SH3BP2: variants seen among roughly 807,000 people sequenced by gnomAD.
SH3BP2 encodes the protein SH3 domain-binding protein 2.
In SH3BP2, 38 loss-of-function variants were observed where a neutral mutation model predicts 56.2. That is an observed-to-expected ratio of 0.68 (90% CI 0.52 to 0.89). The LOEUF (loss-of-function observed/expected upper bound fraction) is 0.89. Ranked by LOEUF, SH3BP2 falls within the 40% of genes least tolerant of loss-of-function variation. SH3BP2 has a pLI of 0.00. For synonymous variants in SH3BP2, 346 were observed against 316.7 expected (o/e 1.09, Z -0.98); for missense variants, 748 against 762.6 (o/e 0.98, Z 0.23).
intron 5 of SH3BP2, chr4:2,827,001 G>A (rs748167979): frequency 2.1e-5 from 14 of 677,550 alleles, no homozygotes; most frequent in Non-Finnish European, 3.8e-5. Flanking sequence ...GCATGTGTGT[G>A]TCTGTCAGCG....
intron 7 of SH3BP2, among the ~76,000 whole-genome samples, chr4:2,828,218 A>C: frequency 6.7e-6 from 1 of 149,868 alleles, no homozygotes; most frequent in Non-Finnish European, 1.5e-5. Context: ...CTCCCTCCCT[A>C]TTGTCTCTCC....
At position 2,837,701 on chromosome 4, in the gene SH3BP2, C is replaced by T. The variant is rs566499957; in HGVS notation, c.*3867C>T. On this transcript the variant is annotated 3_prime_UTR_variant, in exon 13 of 13. Transcript: ENST00000503393. ...GGGGGAAGGGCCACAACCTCTGTTT[C>T]TGTGACCCAGCAGCATCAAGCCCCT... is the stretch of plus-strand genomic sequence containing the variant. 6.5e-6 allele frequency: 1 copy of T among 152,776 alleles called. No individual in the cohort carries two copies. The highest frequency in any genetic ancestry group is 6.5e-5 in the Admixed American group (1 of 15,298). 9.5% of individuals were successfully genotyped at this position (152,776 alleles called of 1,614,324 possible). A position where few individuals can be genotyped will look rare whatever the true frequency, so the allele number is the denominator to read the frequency against.
rs760939509 is a variant in SH3BP2 at position 2,823,007 on chromosome 4, A to G, written c.209A>G (p.Gln70Arg). ...YFKSSTSASP[Q>R]GAFSLSGYNR... ...AAGAGTAGCACCTCTGCCTCCCCGC[A>G]GGGCGCCTTCTCCCTGAGTGGCTAT... Residue 70 changes from glutamine to arginine, a missense_variant, in exon 3 of 13, where the codon CAG becomes CGG. By Grantham distance (43) the Gln-to-Arg change is conservative (BLOSUM62 1). This residue lies in a region of SH3BP2 where 104 missense variants were observed against 123.1 expected (regional missense o/e 0.84). Transcript: ENST00000503393. 1 of 1,613,982 alleles carries G rather than the reference A, an allele frequency of 6.2e-7. No individual in the cohort carries two copies. Among genetic ancestry groups the G allele is most frequent in the South Asian group, 1.1e-5 (1 of 91,068 alleles).
intron 12 of SH3BP2, chr4:2,833,362 T>G: frequency 1.8e-6 from 1 of 568,422 alleles, no homozygotes; most frequent in Non-Finnish European, 3.1e-6. Flanking sequence ...TGGTTTCAAA[T>G]TCTGGGGCTC....
At position 2,829,459 on chromosome 4, in the gene SH3BP2, G is replaced by C. The variant is rs765428825; in HGVS notation, c.587-34G>C. ...AGAGGATAGTGTTGGCCCAGTCTCT[G>C]TCAGGGTCCAACCCGGGTCTCTTTG... On this transcript the variant is annotated intron_variant, in intron 7 of 12. Transcript: ENST00000503393. The surrounding 1 kb of genome is among the most constrained non-coding windows in gnomAD (Gnocchi z 4.9). 7 of 1,611,240 alleles carry C rather than the reference G, an allele frequency of 4.3e-6. No individual in the cohort carries two copies. The African/African-American group carries it at 8.0e-5, about 18-fold the overall frequency.
At position 2,829,277 on chromosome 4, in the gene SH3BP2, AGGGAGGATGAATG is replaced by A. The variant is rs1724843727; in HGVS notation, c.587-211_587-199del. ...TCAGGAAGCGTCCACAGGCTGCCAT[AGGGAGGATGAATG>A]GGGAAGGCTGGGGGTGGTGGGTGGT... is the stretch of plus-strand genomic sequence containing the variant. On this transcript the variant is annotated intron_variant, in intron 7 of 12. Coordinates refer to ENST00000503393, the MANE Select transcript of SH3BP2 (RefSeq NM_001122681.2). The surrounding 1 kb of genome is among the most constrained non-coding windows in gnomAD (Gnocchi z 4.9). 6.7e-6 allele frequency among the ~76,000 whole-genome samples: 1 copy of A among 149,294 alleles called. No homozygotes were observed.
chr4:2,831,847 G>C lies in SH3BP2; in HGVS notation c.1351-76G>C. The C allele has an allele frequency of 6.6e-7, 1 of 1,525,982 alleles. No homozygotes were observed. Among genetic ancestry groups the C allele is most frequent in the Non-Finnish European group, 9.0e-7 (1 of 1,107,730 alleles). 94.5% of individuals were successfully genotyped at this position (1,525,982 alleles called of 1,614,324 possible). On this transcript the variant is annotated intron_variant, in intron 9 of 12. Coordinates refer to ENST00000503393, the MANE Select transcript of SH3BP2 (RefSeq NM_001122681.2). The surrounding 1 kb of genome is among the most constrained non-coding windows in gnomAD (Gnocchi z 4.1). ...TGTAAAGCCCCGGATCCCGGCACCG[G>C]GTGGCCACCGTCCGGGGAGTGGTGG...
intron 1 of SH3BP2, among the ~76,000 whole-genome samples, chr4:2,808,471 C>T: frequency 6.6e-6 from 1 of 152,160 alleles, no homozygotes; most frequent in East Asian, 1.9e-4. Context: ...GGCCACCTTT[C>T]AGCCCACTAC....
At position 2,834,818 on chromosome 4, in the gene SH3BP2, G is replaced by T. The variant is rs561839035; in HGVS notation, c.*984G>T. The stretch of plus-strand genomic sequence containing the variant: ...CAGTCTGGGGACAGCTGGGTATGAG[G>T]TGCTTACGGCACAGTGTCCAGGGCA... On this transcript the variant is annotated 3_prime_UTR_variant, in exon 13 of 13. Coordinates refer to ENST00000503393, the MANE Select transcript of SH3BP2 (RefSeq NM_001122681.2). 1 of 152,570 alleles carries T rather than the reference G, an allele frequency of 6.6e-6. No individual in the cohort carries two copies. Among genetic ancestry groups the T allele is most frequent in the Non-Finnish European group, 1.5e-5 (1 of 68,178 alleles). 9.5% of individuals were successfully genotyped at this position (152,570 alleles called of 1,614,324 possible). A position where few individuals can be genotyped will look rare whatever the true frequency, so the allele number is the denominator to read the frequency against.
chr4:2,799,059 C>G, intron 1 of SH3BP2: 1 of 985,528 alleles, frequency 1.0e-6, no homozygotes, highest in Non-Finnish European at 1.2e-6. Context: ...CTGATTAGGA[C>G]TAATGGCGCT....
At chr4:2,806,048 GCCCCAC>G (rs897820749) in intron 1 of SH3BP2, among the ~76,000 whole-genome samples, 1 of 152,238 alleles carries the variant, frequency 6.6e-6, no homozygotes, top group African/African-American at 2.4e-5. Context: ...GCAGCCAGCT[GCCCCAC>G]CCCCACTGCT....
intron 1 of SH3BP2, among the ~76,000 whole-genome samples, chr4:2,805,285 G>T (rs1288860322): frequency 1.3e-5 from 2 of 152,226 alleles, no homozygotes; most frequent in East Asian, 3.9e-4. Flanking sequence ...GACTGCTGCT[G>T]CCCTTGCCTA....
chr4:2,811,540 C>A (rs905808455), intron 1 of SH3BP2, among the ~76,000 whole-genome samples: 48 of 152,204 alleles, frequency 3.2e-4, no homozygotes, highest in African/African-American at 1.2e-3. Context: ...TGGGCCTGGG[C>A]AGGGCACTGG....
In SH3BP2 at chr4:2,834,752, C is replaced by T. The variant is rs1275004870; in HGVS notation, c.*918C>T. The stretch of plus-strand genomic sequence containing the variant: ...TGGGTACCTCCTGCATGCCTGGTCC[C>T]ATTCCAGACAGGGGCCTCTGGCCTG... On this transcript the variant is annotated 3_prime_UTR_variant, in exon 13 of 13. Transcript: ENST00000503393. 6.6e-6 allele frequency: 1 copy of T among 152,376 alleles called. No individual in the cohort carries two copies. Among genetic ancestry groups the T allele is most frequent in the Non-Finnish European group, 1.5e-5 (1 of 68,130 alleles). The allele number at this position is 152,376 out of a possible 1,614,324, so 9.4% of individuals were successfully genotyped here.
At chr4:2,830,248 G>C (rs187794918) in intron 8 of SH3BP2, 101 bp downstream of exon 8, 1 of 1,165,746 alleles carries the variant, frequency 8.6e-7, no homozygotes, top group East Asian at 2.6e-5. Context: ...GGCACTCTTA[G>C]CCCACGACGG....
intron 5 of SH3BP2, chr4:2,826,657 C>T (rs1454992361): frequency 6.3e-6 from 2 of 318,988 alleles, no homozygotes; most frequent in East Asian, 8.6e-5. Flanking sequence ...TGCATGTCCA[C>T]GTGTTGCTCT....
chr4:2,794,052 G>A, intron 1 of SH3BP2: 1 of 152,308 alleles, frequency 6.6e-6, no homozygotes, highest in Non-Finnish European at 1.5e-5. Flanking sequence ...GTGCCTCCTG[G>A]TCTAGTGGCC....
intron 1 of SH3BP2, among the ~76,000 whole-genome samples, chr4:2,811,606 G>T (rs1361332331): frequency 6.6e-6 from 1 of 152,244 alleles, no homozygotes; most frequent in African/African-American, 2.4e-5. Flanking sequence ...GGGCCTTGGG[G>T]CAGGGGCCGG....
chr4:2,832,100 C>G, intron 10 of SH3BP2, 122 bp downstream of exon 10: 8 of 1,127,434 alleles, frequency 7.1e-6, no homozygotes, highest in Non-Finnish European at 1.1e-5. Context: ...CTGCGTGCAG[C>G]AGAAACCAGA....
Sources: gnomAD v4.1 joint callset for allele counts (sites outside exome capture counted in the v4.1 genomes callset) on GRCh38, gnomAD v4.1.1 for gene constraint, gnomAD v4.1.1 regional missense constraint, Gnocchi (gnomAD v3.1) non-coding constraint, MANE v1.5 for transcripts, NCBI Gene and HGNC (gene_info 2026-07-23, HGNC 2026-07-21) for gene names.